The following USP8 variants were observed in gnomAD, a reference collection of about 807,000 sequenced individuals.
USP8 encodes ubiquitin specific peptidase 8, also known as ubiquitin carboxyl-terminal hydrolase 8.
Under a neutral mutation model 130.0 loss-of-function variants are expected in USP8, and 27 were observed. The observed-to-expected ratio is 0.21, with a 90% CI of 0.15 to 0.29. The LOEUF is 0.29. Ranked by LOEUF, USP8 falls within the 10% of genes least tolerant of loss-of-function variation. The pLI, the probability that USP8 is intolerant of heterozygous loss-of-function variation, is 1.00. For missense variants in USP8, 1,029 were observed against 1,312.2 expected (o/e 0.78, Z 3.33); for synonymous variants, 392 against 444.1 (o/e 0.88, Z 1.48).
At chr15:50,480,007 C>T (rs886288422) in intron 10 of USP8, among the ~76,000 whole-genome samples, 2 of 152,098 alleles carry the variant, frequency 1.3e-5, no homozygotes, top group African/African-American at 2.4e-5. Flanking sequence ...GTGATCTATC[C>T]GGCTCGGCCT....
chr15:50,445,226 T>C (rs1406524298), intron 3 of USP8, among the ~76,000 whole-genome samples: 1 of 151,998 alleles, frequency 6.6e-6, no homozygotes, highest in Non-Finnish European at 1.5e-5. Context: ...AACTTGTATT[T>C]TCACTCTTAT....
chr15:50,477,530 T>A, intron 10 of USP8, 31 bp downstream of exon 10: 1 of 1,578,920 alleles, frequency 6.3e-7, no homozygotes, highest in Non-Finnish European at 8.6e-7. Context: ...TTATTCTCGC[T>A]TTTGTTTTAA....
intron 5 of USP8, among the ~76,000 whole-genome samples, chr15:50,460,037 G>A (rs1462062038): frequency 2.7e-5 from 3 of 112,550 alleles, no homozygotes; most frequent in Non-Finnish European, 4.9e-5. Context: ...CATTCTTGTC[G>A]CCCAGGCTGG....
chr15:50,497,293 G>C, intron 18 of USP8, 62 bp downstream of exon 18: 1 of 1,540,424 alleles, frequency 6.5e-7, no homozygotes, highest in East Asian at 2.3e-5. Flanking sequence ...TAAGTTCTGT[G>C]TAATTTATAC....
In USP8 at chr15:50,450,462, C is replaced by CTTTTTT. The variant is rs35800074; in HGVS notation, c.335+996_335+1001dup. Among the ~76,000 whole-genome samples the CTTTTTT allele has an allele frequency of 2.2e-3, 173 of 80,414 alleles. 4 individuals carry two copies. Among genetic ancestry groups the CTTTTTT allele is most frequent in the Admixed American group, 3.6e-3 (20 of 5,566 alleles). The allele number at this position is 80,414 out of a possible 152,430, so 52.8% of individuals were successfully genotyped here. ...TTTCAGTTTTTAGTCGTTAGTCATT[C>CTTTTTT]TTTTTTTTTTTTTTTTTTTTTTTTG... On this transcript the variant is annotated intron_variant, in intron 4 of 19. Coordinates refer to ENST00000307179, the MANE Select transcript of USP8 (RefSeq NM_005154.5).
Position 50,439,191 on chromosome 15 carries a change from T to G in USP8, c.104+14T>G, listed in dbSNP as rs2050171798. The G allele has an allele frequency of 7.2e-7, 1 of 1,389,224 alleles. No individual in the cohort carries two copies. Among genetic ancestry groups the G allele is most frequent in the Non-Finnish European group, 9.6e-7 (1 of 1,041,638 alleles). 86.1% of individuals were successfully genotyped at this position (1,389,224 alleles called of 1,614,324 possible). ...AAGCACTAAGAGGTATGATGTATCC[T>G]TCGCTAGTTTGATTGAATCAAATAT... On this transcript the variant is annotated intron_variant, in intron 2 of 19. Transcript: ENST00000307179.
intron 4 of USP8, among the ~76,000 whole-genome samples, chr15:50,451,117 A>G (rs1411915801): frequency 6.6e-6 from 1 of 152,166 alleles, no homozygotes; most frequent in Admixed American, 6.5e-5. Context: ...TTGTATTTAA[A>G]AATATTCTGA....
chr15:50,435,337 T>G (rs1024016394), intron 1 of USP8, among the ~76,000 whole-genome samples: 4 of 152,208 alleles, frequency 2.6e-5, no homozygotes, highest in African/African-American at 2.4e-5. Flanking sequence ...TTGTCTTTAT[T>G]CCCTAACCAA....
intron 8 of USP8, among the ~76,000 whole-genome samples, chr15:50,473,321 G>A (rs759675198): frequency 6.6e-6 from 1 of 152,186 alleles, no homozygotes; most frequent in Non-Finnish European, 1.5e-5. Flanking sequence ...ATTCTCTCAT[G>A]TAATTTAAAT....
intron 4 of USP8, among the ~76,000 whole-genome samples, chr15:50,456,473 G>A (rs1004176220): frequency 2.6e-5 from 4 of 151,758 alleles, no homozygotes; most frequent in African/African-American, 4.8e-5. Context: ...CTCGAGAGGC[G>A]GAGGCAAGGA....
chr15:50,439,714 C>G (rs573045035), intron 2 of USP8, among the ~76,000 whole-genome samples: 10 of 151,346 alleles, frequency 6.6e-5, no homozygotes, highest in African/African-American at 2.2e-4. Context: ...TGCTTGAACC[C>G]GGGAGGCGGA....
In USP8 at chr15:50,501,364, C is replaced by T. The variant is rs1006218141; in HGVS notation, c.*2276C>T. On this transcript the variant is annotated 3_prime_UTR_variant, in exon 20 of 20. Transcript: ENST00000307179. ...TGGTGCACACCTGTAGTCCCAGCTA[C>T]TTGGGAAGTTGGGGTGGGAGGATCT... The T allele has an allele frequency of 3.3e-5, 5 of 150,658 alleles. No homozygotes were observed. Among genetic ancestry groups the T allele is most frequent in the African/African-American group, 1.2e-4 (5 of 40,852 alleles). The allele number at this position is 150,658 out of a possible 1,614,324, so 9.3% of individuals were successfully genotyped here.
intron 12 of USP8, among the ~76,000 whole-genome samples, chr15:50,487,026 A>G (rs1307700306): frequency 2.0e-5 from 3 of 151,906 alleles, no homozygotes; most frequent in Admixed American, 6.6e-5. Flanking sequence ...TGGGAGGCTG[A>G]GGCAGGAGAA....
chr15:50,473,794 G>C (rs2051463175), intron 8 of USP8, among the ~76,000 whole-genome samples: 1 of 150,876 alleles, frequency 6.6e-6, no homozygotes, highest in South Asian at 2.1e-4. Flanking sequence ...CCACTGTGTT[G>C]GGCATCTAAG....
intron 6 of USP8, among the ~76,000 whole-genome samples, chr15:50,464,594 C>T (rs867793288): frequency 1.3e-5 from 2 of 152,200 alleles, no homozygotes; most frequent in African/African-American, 2.4e-5. Flanking sequence ...TGGTGGCTCA[C>T]GCCTGTAATC....
rs749484529 is a variant in USP8 at position 50,481,631 on chromosome 15, T to C, written c.1369T>C (p.Leu457=). 2 of 1,613,972 alleles carry C rather than the reference T, an allele frequency of 1.2e-6. No individual in the cohort carries two copies. Among genetic ancestry groups the C allele is most frequent in the Non-Finnish European group, 1.7e-6 (2 of 1,179,992 alleles). The part of the protein sequence containing the change: ...KPVVFSPTLM[L]TDEEKARIHA... ...AGTAGTTTTTTCTCCAACTCTCATGTTAACAGATGAAGAAAAGGCTCGTAT... is the reference window on the plus strand; with the variant it reads ...AGTAGTTTTTTCTCCAACTCTCATGCTAACAGATGAAGAAAAGGCTCGTAT... The change falls in exon 11 of 20, where the codon TTA becomes CTA. Residue 457 remains leucine, a synonymous_variant. Coordinates refer to ENST00000307179, the MANE Select transcript of USP8 (RefSeq NM_005154.5).
At position 50,494,229 on chromosome 15, in the gene USP8, A is replaced by G; in HGVS notation, c.2607A>G (p.Ser869=). 6.2e-7 allele frequency: 1 copy of G among 1,613,282 alleles called. No individual in the cohort carries two copies. The highest frequency in any genetic ancestry group is 8.5e-7 in the Non-Finnish European group (1 of 1,179,830). ...DQFAGYSQQD[S]QELLLFLMDG... is the part of the protein sequence containing the mutation. The stretch of plus-strand genomic sequence containing the variant: ...TTGCAGGATACAGTCAGCAAGATTC[A>G]CAAGAATTGCTTCTGTTCCTAATGG... Residue 869 remains serine (S), a synonymous_variant, in exon 16 of 20, where the codon TCA becomes TCG. Transcript: ENST00000307179.
chr15:50,425,374 T>C (rs1245100003), intron 1 of USP8, among the ~76,000 whole-genome samples: 1 of 152,254 alleles, frequency 6.6e-6, no homozygotes, highest in Non-Finnish European at 1.5e-5. Flanking sequence ...GTGGTATTTG[T>C]TAAGGAAGTA....
intron 8 of USP8, among the ~76,000 whole-genome samples, chr15:50,473,763 T>C (rs117908382): frequency 0.024 from 3,668 of 151,852 alleles, 64 homozygotes; most frequent in Admixed American, 0.029. Context: ...CCACCCAAAG[T>C]GTTGGGATTA....
Sources: allele counts gnomAD v4.1 joint callset (sites outside exome capture counted in the v4.1 genomes callset), GRCh38; gene constraint gnomAD v4.1.1; transcripts MANE v1.5; gene names NCBI Gene and HGNC (gene_info 2026-07-23, HGNC 2026-07-21).